Variants in PCDHGA7 observed in about 807,000 individuals in gnomAD.
PCDHGA7 encodes protocadherin gamma subfamily A, 7, also known as protocadherin gamma-A7.
Under a neutral mutation model 58.3 loss-of-function variants are expected in PCDHGA7, and 44 were observed. The ratio of observed to expected loss-of-function variants is 0.75; its 90% CI spans 0.59 to 0.97. PCDHGA7 has a LOEUF of 0.97. Ranked by LOEUF, PCDHGA7 falls within the 50% of genes least tolerant of loss-of-function variation. PCDHGA7 has a pLI of 0.00. For synonymous variants in PCDHGA7, 516 were observed against 504.2 expected (o/e 1.02, Z -0.31); for missense variants, 1,266 against 1,188.7 (o/e 1.06, Z -0.96).
At chr5:141,466,508 T>C (rs2099123841) in intron 1 of PCDHGA7, among the ~76,000 whole-genome samples, 1 of 152,190 alleles carries the variant, frequency 6.6e-6, no homozygotes, top group African/African-American at 2.4e-5. Context: ...ACAGACAAGA[T>C]CATTTTTTTT....
chr5:141,412,942 A>G, intron 1 of PCDHGA7: 1 of 465,476 alleles, frequency 2.1e-6, no homozygotes, highest in Non-Finnish European at 3.8e-6. Flanking sequence ...TAGGACTCTG[A>G]GCGCCGCTGT....
chr5:141,439,056 T>C (rs2098084461), intron 1 of PCDHGA7, among the ~76,000 whole-genome samples: 1 of 151,260 alleles, frequency 6.6e-6, no homozygotes, highest in Non-Finnish European at 1.5e-5. Flanking sequence ...TTCCATATTG[T>C]GTGGCAGGCG....
chr5:141,445,305 T>C (rs899306819), intron 1 of PCDHGA7, among the ~76,000 whole-genome samples: 2 of 152,204 alleles, frequency 1.3e-5, no homozygotes, highest in Non-Finnish European at 1.5e-5. Context: ...TCTCTTCAGT[T>C]TGTAGGTTGA....
chr5:141,390,523 G>T, intron 1 of PCDHGA7: 1 of 556,304 alleles, frequency 1.8e-6, no homozygotes, highest in South Asian at 2.2e-5. Context: ...AGCAATGAGG[G>T]TGTGGTTTTA....
chr5:141,419,886 G>A lies in PCDHGA7; in HGVS notation c.2424+34563G>A, dbSNP rs1195529127. ...TTGCAAGAGGTACTGCCGGATTTCA[G>A]CGACCATCCCACACCCTCTGACTCC... On this transcript the variant is annotated intron_variant, in intron 1 of 3. Transcript: ENST00000518325. 1.9e-6 allele frequency: 3 copies of A among 1,614,076 alleles called. No individual in the cohort carries two copies. In the East Asian group the frequency reaches 6.7e-5, roughly 36 times the overall value.
chr5:141,404,325 C>G (rs762306578), intron 1 of PCDHGA7: 7 of 1,613,876 alleles, frequency 4.3e-6, no homozygotes, highest in Non-Finnish European at 5.9e-6. Flanking sequence ...GCCTCCTACT[C>G]AGTCTACCTC....
At position 141,383,694 on chromosome 5, in the gene PCDHGA7, T is replaced by C. The variant is rs369728109; in HGVS notation, c.795T>C (p.His265=). ...TGGGTACAAGACTGCTCACGGTACA[T>C]GCTATCGACCTGGACGAGGGAGTCA... is the stretch of plus-strand genomic sequence containing the variant. ...VPVGTRLLTV[H]AIDLDEGVNG... is the part of the protein sequence containing the mutation. The change falls in exon 1 of 4, where the codon CAT becomes CAC. Residue 265 remains histidine (H), a synonymous_variant. Coordinates refer to ENST00000518325, the MANE Select transcript of PCDHGA7 (RefSeq NM_018920.4). 8.1e-6 allele frequency: 13 copies of C among 1,613,890 alleles called. No individual in the cohort carries two copies. Among genetic ancestry groups the C allele is most frequent in the Middle Eastern group, 1.6e-4 (1 of 6,084 alleles).
intron 1 of PCDHGA7, chr5:141,409,621 A>G: frequency 6.2e-7 from 1 of 1,613,852 alleles, no homozygotes; most frequent in Non-Finnish European, 8.5e-7. Context: ...CCATTGCGCA[A>G]GTGAGCGCCT....
chr5:141,487,884 A>G lies in PCDHGA7; in HGVS notation c.2425-6923A>G. 1.3e-6 allele frequency: 1 copy of G among 766,716 alleles called. No homozygotes were observed. Among genetic ancestry groups the G allele is most frequent in the Non-Finnish European group, 2.1e-6 (1 of 481,170 alleles). 47.5% of individuals were successfully genotyped at this position (766,716 alleles called of 1,614,324 possible). On this transcript the variant is annotated intron_variant, in intron 1 of 3. Transcript: ENST00000518325. The surrounding 1 kb of genome is among the most constrained non-coding windows in gnomAD (Gnocchi z 5.0). ...GTGATCAAGAGCCAGGCTGTTGTGG[A>G]AGCATGATGATGGAATGTGGGAGCA...
intron 1 of PCDHGA7, chr5:141,419,317 T>G: frequency 1.2e-6 from 2 of 1,613,952 alleles, no homozygotes; most frequent in Non-Finnish European, 1.7e-6. Context: ...TCAACGGCCG[T>G]GTCTCCTACT....
intron 1 of PCDHGA7, chr5:141,389,992 T>A: frequency 6.2e-7 from 1 of 1,614,010 alleles, no homozygotes. Context: ...CTCTTCCTCG[T>A]GGCCATGATT....
At chr5:141,468,428 T>C (rs936671539) in intron 1 of PCDHGA7, 11 of 151,374 alleles carry the variant, frequency 7.3e-5, no homozygotes, top group Non-Finnish European at 1.3e-4. Context: ...AGCAAGGTAA[T>C]AGCAAAATGT....
At chr5:141,412,286 G>A (rs150947924) in intron 1 of PCDHGA7, 104 of 152,170 alleles carry the variant, frequency 6.8e-4, no homozygotes, top group African/African-American at 2.3e-3. Flanking sequence ...CAAATTCTAC[G>A]TATTTCTTTT....
At chr5:141,482,611 G>T (rs1016481108) in intron 1 of PCDHGA7, among the ~76,000 whole-genome samples, 1 of 150,398 alleles carries the variant, frequency 6.6e-6, no homozygotes, top group Admixed American at 6.6e-5. Context: ...ACACCTAAAT[G>T]AGCCTGGAGA....
intron 1 of PCDHGA7, chr5:141,428,370 C>A: frequency 1.8e-6 from 1 of 540,734 alleles, no homozygotes; most frequent in Non-Finnish European, 3.4e-6. Flanking sequence ...TCGCCTTGCA[C>A]CTGCGATGCT....
chr5:141,421,960 CA>C, intron 1 of PCDHGA7: 1 of 1,612,526 alleles, frequency 6.2e-7, no homozygotes, highest in Admixed American at 1.7e-5. Flanking sequence ...AATGTTTACA[CA>C]GTCCGTATAT....
At chr5:141,457,514 CAATT>C (rs1258794594) in intron 1 of PCDHGA7, among the ~76,000 whole-genome samples, 2 of 152,260 alleles carry the variant, frequency 1.3e-5, no homozygotes, top group African/African-American at 4.8e-5. Context: ...AGCTTAAAAA[CAATT>C]AATGAGACTA....
chr5:141,508,451 C>T (rs1245251907), intron 3 of PCDHGA7, among the ~76,000 whole-genome samples: 1 of 152,180 alleles, frequency 6.6e-6, no homozygotes, highest in Admixed American at 6.5e-5. Flanking sequence ...AGTGGCAGAG[C>T]AGAGCAAATA....
intron 1 of PCDHGA7, among the ~76,000 whole-genome samples, chr5:141,456,303 G>A (rs941370138): frequency 6.6e-6 from 1 of 152,156 alleles, no homozygotes; most frequent in Non-Finnish European, 1.5e-5. Flanking sequence ...ATGGAGAACA[G>A]CAGCTAGGGC....
Sources: gnomAD v4.1 joint callset for allele counts (sites outside exome capture counted in the v4.1 genomes callset) on GRCh38, gnomAD v4.1.1 for gene constraint, Gnocchi (gnomAD v3.1) non-coding constraint, MANE v1.5 for transcripts, NCBI Gene and HGNC (gene_info 2026-07-23, HGNC 2026-07-21) for gene names.